Variants in GRID2 observed in about 807,000 individuals in gnomAD.
GRID2 encodes the protein glutamate receptor ionotropic, delta-2.
Under a neutral mutation model 114.8 loss-of-function variants are expected in GRID2, and 33 were observed. That is an observed-to-expected ratio of 0.29 (90% CI 0.22 to 0.38). GRID2 has a LOEUF of 0.38. Ranked by LOEUF, GRID2 falls within the 10% of genes least tolerant of loss-of-function variation. GRID2 has a pLI of 1.00. For missense variants in GRID2, 1,184 were observed against 1,257.7 expected (o/e 0.94, Z 0.89); for synonymous variants, 505 against 449.9 (o/e 1.12, Z -1.55).
At chr4:93,738,221 A>G (rs1174452531) in intron 14 of GRID2, among the ~76,000 whole-genome samples, 2 of 152,160 alleles carry the variant, frequency 1.3e-5, no homozygotes, top group African/African-American at 2.4e-5. Flanking sequence ...CCTGGACTGC[A>G]GTAGTAGGAA....
At chr4:92,903,702 C>A (rs1578426969) in intron 2 of GRID2, among the ~76,000 whole-genome samples, 1 of 151,824 alleles carries the variant, frequency 6.6e-6, no homozygotes. Context: ...TTAAAAGGCA[C>A]AGTATTTTTG....
chr4:92,916,902 G>A (rs1242843765), intron 2 of GRID2, among the ~76,000 whole-genome samples: 1 of 152,112 alleles, frequency 6.6e-6, no homozygotes, highest in Non-Finnish European at 1.5e-5. Context: ...GGGTCAAATG[G>A]TAATTCTAGT....
chr4:93,510,596 A>G (rs906069481), intron 12 of GRID2, among the ~76,000 whole-genome samples: 2 of 152,216 alleles, frequency 1.3e-5, no homozygotes, highest in Admixed American at 6.5e-5. Flanking sequence ...ATTTAGTATC[A>G]TAGAGTCACA....
At chr4:93,256,347 C>T (rs1219310824) in intron 8 of GRID2, among the ~76,000 whole-genome samples, 2 of 151,512 alleles carry the variant, frequency 1.3e-5, no homozygotes, top group African/African-American at 4.8e-5. Context: ...TAATTTTGGA[C>T]GAAGTATTTT....
At chr4:92,544,356 C>G (rs1465573287) in intron 1 of GRID2, among the ~76,000 whole-genome samples, 1 of 152,058 alleles carries the variant, frequency 6.6e-6, no homozygotes, top group African/African-American at 2.4e-5. Context: ...CTGTTTGAGT[C>G]GTACAACTGG....
chr4:93,195,414 C>A (rs1318598979), intron 4 of GRID2, among the ~76,000 whole-genome samples: 1 of 152,108 alleles, frequency 6.6e-6, no homozygotes, highest in South Asian at 2.1e-4. Context: ...TCAGAATCAC[C>A]CAGTGGAGAG....
intron 13 of GRID2, among the ~76,000 whole-genome samples, chr4:93,594,531 G>A (rs1029330920): frequency 1.3e-5 from 2 of 152,160 alleles, no homozygotes; most frequent in Non-Finnish European, 2.9e-5. Context: ...TGCCCCCAGA[G>A]GTGGAGCCTA....
At chr4:93,086,116 A>G (rs552574798) in intron 3 of GRID2, among the ~76,000 whole-genome samples, 1 of 152,272 alleles carries the variant, frequency 6.6e-6, no homozygotes, top group Admixed American at 6.5e-5. Flanking sequence ...ATGAGGGGAA[A>G]TGAACAGATC....
chr4:92,430,957 G>C (rs1732410796), intron 1 of GRID2, among the ~76,000 whole-genome samples: 1 of 151,892 alleles, frequency 6.6e-6, no homozygotes, highest in African/African-American at 2.4e-5. Flanking sequence ...TGACTTTTTT[G>C]TCTTGCAACT....
chr4:93,332,884 G>A (rs1370502730), intron 8 of GRID2, among the ~76,000 whole-genome samples: 1 of 152,060 alleles, frequency 6.6e-6, no homozygotes, highest in Non-Finnish European at 1.5e-5. Flanking sequence ...TCTTCAGAAG[G>A]CTTTGCTTGA....
Position 93,471,075 on chromosome 4 carries a change from C to G in GRID2, c.1858+15101C>G, listed in dbSNP as rs552484051. 3.3e-5 allele frequency among the ~76,000 whole-genome samples: 5 copies of G among 151,704 alleles called. No homozygotes were observed. In the East Asian group the frequency reaches 9.7e-4, roughly 29 times the overall value. On this transcript the variant is annotated intron_variant, in intron 11 of 15. Transcript: ENST00000282020. ...AAGGAAGTAAAGGAATGAGAAAAGC[C>G]TAGTGGAATAAAGATATTATAAATA...
At chr4:92,898,234 T>C (rs1159815101) in intron 2 of GRID2, among the ~76,000 whole-genome samples, 1 of 152,114 alleles carries the variant, frequency 6.6e-6, no homozygotes, top group Non-Finnish European at 1.5e-5. Flanking sequence ...TTCTTCCCCG[T>C]ACCCAGCAAA....
At chr4:93,111,049 G>C in intron 4 of GRID2, 96 bp downstream of exon 4, 15 of 758,138 alleles carry the variant, frequency 2.0e-5, no homozygotes, top group Non-Finnish European at 3.4e-5. Context: ...AGCAGTGCGA[G>C]GGAATTAACT....
intron 2 of GRID2, among the ~76,000 whole-genome samples, chr4:92,954,094 GACAC>G (rs1313225970): frequency 6.6e-6 from 1 of 151,934 alleles, no homozygotes; most frequent in African/African-American, 2.4e-5. Flanking sequence ...TCCATGTGCA[GACAC>G]ACACATATAT....
At chr4:93,147,551 T>C (rs1736379102) in intron 4 of GRID2, among the ~76,000 whole-genome samples, 1 of 152,188 alleles carries the variant, frequency 6.6e-6, no homozygotes, top group Non-Finnish European at 1.5e-5. Context: ...CTTCTTGAAG[T>C]ACTGCTTCTA....
At chr4:93,556,187 C>G (rs1295977463) in intron 13 of GRID2, among the ~76,000 whole-genome samples, 1 of 152,172 alleles carries the variant, frequency 6.6e-6, no homozygotes, top group African/African-American at 2.4e-5. Flanking sequence ...TTTCAAAAAC[C>G]AGAATGCCTC....
At chr4:93,638,467 C>A (rs1233003685) in intron 14 of GRID2, among the ~76,000 whole-genome samples, 1 of 31,860 alleles carries the variant, frequency 3.1e-5, no homozygotes, top group Non-Finnish European at 5.8e-5. Flanking sequence ...CCTCCCCCGA[C>A]CCCACCACAG....
chr4:92,549,397 G>A (rs1726463205), intron 1 of GRID2, among the ~76,000 whole-genome samples: 1 of 152,054 alleles, frequency 6.6e-6, no homozygotes, highest in East Asian at 1.9e-4. Context: ...CTTCTCTCTA[G>A]GAAGTGATCT....
rs375604291 is a variant in GRID2 at position 93,610,840 on chromosome 4, G to C, written c.2194-15429G>C. ...GATGCTGGCCTCATAAAATGAGTTA[G>C]GGAGGATTCCCTCTTTTTCTATTGA... is the stretch of plus-strand genomic sequence containing the variant. On this transcript the variant is annotated intron_variant, in intron 13 of 15. Transcript: ENST00000282020. 2.2e-4 allele frequency among the ~76,000 whole-genome samples: 29 copies of C among 128,974 alleles called. No individual in the cohort carries two copies. In the East Asian group the frequency reaches 3.5e-3, roughly 16 times the overall value. The allele number at this position is 128,974 out of a possible 152,430, so 84.6% of individuals were successfully genotyped here.
Sources: allele counts gnomAD v4.1 joint callset (sites outside exome capture counted in the v4.1 genomes callset), GRCh38; gene constraint gnomAD v4.1.1; transcripts MANE v1.5; gene names NCBI Gene and HGNC (gene_info 2026-07-23, HGNC 2026-07-21).